The following FSTL4 variants were observed in gnomAD, a reference collection of about 807,000 sequenced individuals.
FSTL4 encodes the protein follistatin-related protein 4.
FSTL4 carries 28 observed loss-of-function variants against 78.2 expected under a neutral mutation model. That is an observed-to-expected ratio of 0.36 (90% CI 0.27 to 0.49). The LOEUF is 0.49. Among genes scored for constraint, FSTL4 ranks in the 20% least tolerant of loss-of-function variants. The pLI is 0.98. For synonymous variants in FSTL4, 422 were observed against 440.5 expected, an observed-to-expected ratio of 0.96 and a Z score of 0.53; for missense variants, 922 against 1,084.9, an observed-to-expected ratio of 0.85 and a Z score of 2.11.
At chr5:133,702,121 A>G in the FSTL4 span, among the ~76,000 whole-genome samples, 17 of 152,350 alleles carry the variant, frequency 1.1e-4, no homozygotes, top group African/African-American at 2.9e-4. Context: ...AGTACTGAGC[A>G]CACATCACTG....
the FSTL4 span, among the ~76,000 whole-genome samples, chr5:133,799,740 T>C: frequency 7.2e-6 from 1 of 139,746 alleles, no homozygotes; most frequent in African/African-American, 2.6e-5. Flanking sequence ...CTTGCCTAGC[T>C]GCCCTCACCT....
chr5:133,831,153 G>C, the FSTL4 span, among the ~76,000 whole-genome samples: 2 of 152,176 alleles, frequency 1.3e-5, no homozygotes, highest in African/African-American at 4.8e-5. Flanking sequence ...CAAGGTACAT[G>C]GATTTAAGCC....
upstream of FSTL4, among the ~76,000 whole-genome samples, chr5:133,615,109 C>A (rs407536): frequency 1.6e-4 from 24 of 152,094 alleles, no homozygotes; most frequent in Non-Finnish European, 2.6e-4. Context: ...CAGGAGGAAG[C>A]AAGGCACTTT....
intron 6 of FSTL4, among the ~76,000 whole-genome samples, chr5:133,268,356 C>T (rs1752690737): frequency 6.6e-6 from 1 of 152,202 alleles, no homozygotes; most frequent in Non-Finnish European, 1.5e-5. Flanking sequence ...GAATTCTATG[C>T]TGACTCCCAG....
At chr5:133,224,786 T>C (rs2126793231) in intron 10 of FSTL4, among the ~76,000 whole-genome samples, 1 of 152,322 alleles carries the variant, frequency 6.6e-6, no homozygotes, top group South Asian at 2.1e-4. Flanking sequence ...TGTGCATGTG[T>C]GCACAGGTCA....
intron 1 of FSTL4, among the ~76,000 whole-genome samples, chr5:133,608,282 C>T (rs1195734495): frequency 6.6e-6 from 1 of 152,196 alleles, no homozygotes; most frequent in Admixed American, 6.5e-5. Flanking sequence ...CCTTTTGTTC[C>T]AAACAAGTCA....
At position 133,199,731 on chromosome 5, in the gene FSTL4, G is replaced by A. The variant is rs139046172; in HGVS notation, c.1893C>T (p.Pro631=). 3.1e-6 allele frequency: 5 copies of A among 1,606,268 alleles called. No individual in the cohort carries two copies. Among genetic ancestry groups the A allele is most frequent in the Non-Finnish European group, 4.3e-6 (5 of 1,176,176 alleles). ...GGTGGTGCAGGCCGATGGTCTTGAG[G>A]GGCATCATTGTTTCCAGGTCCACCT... ...VHKVDLETMM[P]LKTIGLHHHG... is the part of the protein sequence containing the mutation. Residue 631 remains proline, a synonymous_variant, in exon 16 of 16, where the codon CCC becomes CCT. Transcript: ENST00000265342. This position sits in a 1 kb window ranked among gnomAD's most constrained non-coding sequence, Gnocchi z 4.4.
chr5:133,612,945 A>G (rs1182418155), upstream of FSTL4, among the ~76,000 whole-genome samples: 1 of 152,184 alleles, frequency 6.6e-6, no homozygotes, highest in Non-Finnish European at 1.5e-5. This position sits in a 1 kb window ranked among gnomAD's most constrained non-coding sequence, Gnocchi z 6.2. Context: ...CCTGGGGACA[A>G]AGTGGGTGAA....
chr5:133,428,466 G>A (rs553188409), intron 3 of FSTL4, among the ~76,000 whole-genome samples: 93 of 152,252 alleles, frequency 6.1e-4, no homozygotes, highest in Middle Eastern at 6.8e-3. Flanking sequence ...AGAGCCAACA[G>A]GACACGAACA....
chr5:133,610,323 G>C (rs1272042583), intron 1 of FSTL4, among the ~76,000 whole-genome samples: 2 of 152,162 alleles, frequency 1.3e-5, no homozygotes, highest in Non-Finnish European at 1.5e-5. Flanking sequence ...GATCATAAAA[G>C]TCTAAGAGAG....
At chr5:133,370,937 G>T (rs29550) in intron 4 of FSTL4, among the ~76,000 whole-genome samples, 111,074 of 152,040 alleles carry the variant, frequency 0.73, 41,205 homozygotes, top group Middle Eastern at 0.81. Context: ...GGTAAGAGAT[G>T]GCTCTCCCCT....
At chr5:133,710,311 C>T in the FSTL4 span, among the ~76,000 whole-genome samples, 58 of 152,306 alleles carry the variant, frequency 3.8e-4, no homozygotes, top group Non-Finnish European at 5.9e-5. Context: ...CTCCACCAGG[C>T]TCAGCCCAAG....
chr5:133,517,195 G>T (rs530809462), intron 3 of FSTL4, among the ~76,000 whole-genome samples: 1 of 151,664 alleles, frequency 6.6e-6, no homozygotes, highest in Non-Finnish European at 1.5e-5. Context: ...GGCCAAGGTG[G>T]GTGGATCACC....
intron 6 of FSTL4, among the ~76,000 whole-genome samples, chr5:133,298,643 G>A (rs537888221): frequency 6.6e-6 from 1 of 152,338 alleles, no homozygotes; most frequent in South Asian, 2.1e-4. Context: ...TGTTGGCTTT[G>A]TGACTTCAAA....
intron 1 of FSTL4, among the ~76,000 whole-genome samples, chr5:133,607,082 A>C (rs921467340): frequency 6.6e-6 from 1 of 152,136 alleles, no homozygotes; most frequent in Non-Finnish European, 1.5e-5. Flanking sequence ...AAACAGGAAA[A>C]CACATGAGCC....
intron 3 of FSTL4, among the ~76,000 whole-genome samples, chr5:133,457,513 TTC>T (rs1325477659): frequency 3.9e-5 from 6 of 152,250 alleles, no homozygotes; most frequent in South Asian, 2.1e-4. Context: ...TTCTGCTGCT[TTC>T]TCCTTTATCC....
At chr5:133,817,327 T>G in the FSTL4 span, among the ~76,000 whole-genome samples, 1 of 152,098 alleles carries the variant, frequency 6.6e-6, no homozygotes, top group South Asian at 2.1e-4. Flanking sequence ...CTAATGGGAG[T>G]TCCACTGTAT....
chr5:133,490,015 G>A (rs1035928388), intron 3 of FSTL4, among the ~76,000 whole-genome samples: 1 of 152,098 alleles, frequency 6.6e-6, no homozygotes, highest in Admixed American at 6.5e-5. Flanking sequence ...CTCATTCCAG[G>A]TTCTCAGTAC....
At chr5:133,454,830 G>A (rs1446275206) in intron 3 of FSTL4, among the ~76,000 whole-genome samples, 1 of 152,132 alleles carries the variant, frequency 6.6e-6, no homozygotes, top group Non-Finnish European at 1.5e-5. Context: ...AACCAGACCA[G>A]GCCTGCAATT....
Sources: gnomAD v4.1 joint callset for allele counts (sites outside exome capture counted in the v4.1 genomes callset) on GRCh38, gnomAD v4.1.1 for gene constraint, Gnocchi (gnomAD v3.1) non-coding constraint, MANE v1.5 for transcripts, NCBI Gene and HGNC (gene_info 2026-07-23, HGNC 2026-07-21) for gene names.